NCOA1: variants seen among roughly 807,000 people sequenced by gnomAD.
The protein encoded by NCOA1 is nuclear receptor coactivator 1.
A neutral mutation model predicts 150.9 loss-of-function variants in NCOA1; 35 were observed. The ratio of observed to expected loss-of-function variants is 0.23; its 90% CI spans 0.18 to 0.31. The LOEUF (loss-of-function observed/expected upper bound fraction) is 0.31, where lower values mean the gene tolerates loss of function less well. Ranked by LOEUF, NCOA1 falls within the 10% of genes least tolerant of loss-of-function variation. NCOA1 has a pLI of 1.00. For missense variants in NCOA1, 1,491 were observed against 1,749.3 expected, an observed-to-expected ratio of 0.85 and a Z score of 2.63; for synonymous variants, 590 against 630.0, an observed-to-expected ratio of 0.94 and a Z score of 0.95.
intron 6 of NCOA1, among the ~76,000 whole-genome samples, chr2:24,670,190 A>T (rs7572475): frequency 0.19 from 28,841 of 152,104 alleles, 2,926 homozygotes; most frequent in Non-Finnish European, 0.23. Flanking sequence ...ATTGAAAGCC[A>T]CACATACTTC....
At chr2:24,644,670 TA>T (rs1210459327) in intron 4 of NCOA1, among the ~76,000 whole-genome samples, 2 of 151,640 alleles carry the variant, frequency 1.3e-5, no homozygotes, top group Non-Finnish European at 2.9e-5. Flanking sequence ...AGTAGAAAAA[TA>T]AACATGTACC....
intron 22 of NCOA1, among the ~76,000 whole-genome samples, chr2:24,767,402 G>A (rs1041674857): frequency 6.6e-6 from 1 of 152,106 alleles, no homozygotes; most frequent in East Asian, 1.9e-4. Context: ...TCAGTTCTAC[G>A]AACAACTTTT....
chr2:24,750,490 C>T (rs1186527066), intron 19 of NCOA1, among the ~76,000 whole-genome samples: 1 of 152,084 alleles, frequency 6.6e-6, no homozygotes, highest in African/African-American at 2.4e-5. Context: ...TAAGCATCAT[C>T]CTAAATAAAA....
At chr2:24,595,386 T>C (rs542421976) in intron 3 of NCOA1, among the ~76,000 whole-genome samples, 60 of 152,238 alleles carry the variant, frequency 3.9e-4, no homozygotes, top group Admixed American at 3.9e-3. Context: ...AAATCTGATA[T>C]TATATATAAA....
chr2:24,507,435 G>GTTTTTTTTTTTTTTT (rs10651704), intron 1 of NCOA1, among the ~76,000 whole-genome samples: 1 of 126,526 alleles, frequency 7.9e-6, no homozygotes, highest in Non-Finnish European at 1.6e-5. Flanking sequence ...GAGCTGCTGG[G>GTTTTTTTTTTTTTTT]TTTTTTTTTT....
At chr2:24,687,771 A>G (rs1672477018) in intron 8 of NCOA1, among the ~76,000 whole-genome samples, 1 of 152,158 alleles carries the variant, frequency 6.6e-6, no homozygotes, top group African/African-American at 2.4e-5. Flanking sequence ...CATGTGGATT[A>G]CAGGTCCCTC....
chr2:24,758,101 A>G lies in NCOA1; in HGVS notation c.4010A>G (p.Gln1337Arg), dbSNP rs1250794444. The change falls in exon 21 of 23, where the codon CAG (glutamine) becomes CGG (arginine). Residue 1337 changes from glutamine (Q) to arginine (R), a missense_variant. Transcript: ENST00000348332. The part of the protein sequence containing the change: ...NVQNMNPMMA[Q>R]MQMSSLQMPG... ...CAGAACATGAACCCAATGATGGCCC[A>G]GATGCAGATGAGCTCTTTGCAGATG... The G allele has an allele frequency of 1.9e-6, 3 of 1,614,006 alleles. No homozygotes were observed. The highest frequency in any genetic ancestry group is 2.5e-6 in the Non-Finnish European group (3 of 1,180,028).
intron 8 of NCOA1, among the ~76,000 whole-genome samples, chr2:24,691,147 A>C (rs924539171): frequency 9.2e-5 from 14 of 152,244 alleles, no homozygotes; most frequent in African/African-American, 3.4e-4. Flanking sequence ...GTATAACTGG[A>C]AACCAACTGA....
intron 6 of NCOA1, 101 bp downstream of exon 6, chr2:24,666,016 TATTA>T (rs1671406812): frequency 5.4e-6 from 4 of 740,846 alleles, no homozygotes; most frequent in Non-Finnish European, 5.2e-6. Context: ...ATTTTATTAT[TATTA>T]TTATTTTTTG....
At chr2:24,692,884 G>A (rs907664542) in intron 9 of NCOA1, among the ~76,000 whole-genome samples, 7 of 152,108 alleles carry the variant, frequency 4.6e-5, no homozygotes, top group African/African-American at 1.4e-4. Flanking sequence ...TTTTTGAGAC[G>A]GAGTCTCGCT....
At chr2:24,735,095 T>A (rs1386059687) in intron 17 of NCOA1, among the ~76,000 whole-genome samples, 1 of 152,188 alleles carries the variant, frequency 6.6e-6, no homozygotes, top group African/African-American at 2.4e-5. Context: ...GTGACCTAAA[T>A]GTGAATATGA....
intron 1 of NCOA1, among the ~76,000 whole-genome samples, chr2:24,547,567 CTT>C (rs895545742): frequency 2.0e-5 from 3 of 152,114 alleles, no homozygotes; most frequent in African/African-American, 7.2e-5. Flanking sequence ...TGCAGATACT[CTT>C]TGACTCAGTA....
At chr2:24,674,151 G>GTGTGTGTGTGTGTATA (rs141963010) in intron 7 of NCOA1, among the ~76,000 whole-genome samples, 2 of 145,212 alleles carry the variant, frequency 1.4e-5, no homozygotes, top group African/African-American at 5.3e-5. Context: ...GTGTGTGTGT[G>GTGTGTGTGTGTGTATA]TATATATTTC....
At chr2:24,728,056 A>G (rs1025785571) in intron 15 of NCOA1, among the ~76,000 whole-genome samples, 6 of 152,162 alleles carry the variant, frequency 3.9e-5, no homozygotes, top group Admixed American at 2.0e-4. Context: ...TTTCCAGGCT[A>G]TTTCTGGAAC....
At chr2:24,675,209 A>G (rs1048116989) in intron 7 of NCOA1, among the ~76,000 whole-genome samples, 2 of 152,234 alleles carry the variant, frequency 1.3e-5, no homozygotes, top group African/African-American at 4.8e-5. Context: ...AATTACATAT[A>G]TGAAATCAGT....
At chr2:24,708,148 AG>A (rs1207393340) in intron 13 of NCOA1, among the ~76,000 whole-genome samples, 4 of 152,184 alleles carry the variant, frequency 2.6e-5, no homozygotes, top group Non-Finnish European at 5.9e-5. Context: ...TCACATCTTT[AG>A]ACATTTTTTA....
intron 20 of NCOA1, 44 bp from the exon 21 acceptor site, chr2:24,757,929 T>C: frequency 1.3e-6 from 2 of 1,599,882 alleles, no homozygotes; most frequent in South Asian, 2.2e-5. Context: ...TATCCCCTTG[T>C]TCATGATCAG....
At chr2:24,709,198 A>G (rs1263019760) in intron 13 of NCOA1, among the ~76,000 whole-genome samples, 1 of 152,218 alleles carries the variant, frequency 6.6e-6, no homozygotes, top group East Asian at 1.9e-4. Flanking sequence ...CATTGTGTTC[A>G]GTTCTGGTGC....
chr2:24,524,620 T>G (rs1271373971), intron 1 of NCOA1, among the ~76,000 whole-genome samples: 1 of 151,764 alleles, frequency 6.6e-6, no homozygotes, highest in Admixed American at 6.6e-5. Context: ...ATATATATAT[T>G]TTTTGAGATG....
Sources: allele counts gnomAD v4.1 joint callset (sites outside exome capture counted in the v4.1 genomes callset), GRCh38; gene constraint gnomAD v4.1.1; transcripts MANE v1.5; gene names NCBI Gene and HGNC (gene_info 2026-07-23, HGNC 2026-07-21).